Variants in ROBO1 observed in about 807,000 individuals in gnomAD.
The protein encoded by ROBO1 is roundabout guidance receptor 1.
ROBO1 carries 149 observed loss-of-function variants against 195.9 expected under a neutral mutation model. The ratio of observed to expected loss-of-function variants is 0.76; its 90% CI spans 0.67 to 0.87. The LOEUF (loss-of-function observed/expected upper bound fraction) is 0.87. ROBO1 is among the 40% of genes least tolerant of loss of function. The probability of loss-of-function intolerance (pLI) is 0.00; values close to 1 mark genes in which losing one functional copy is unlikely to be tolerated. For missense variants in ROBO1, 1,933 were observed against 2,068.3 expected, an observed-to-expected ratio of 0.93 and a Z score of 1.27; for synonymous variants, 816 against 733.2, an observed-to-expected ratio of 1.11 and a Z score of -1.82.
At chr3:79,068,758 A>G (rs1454389428) in intron 3 of ROBO1, among the ~76,000 whole-genome samples, 1 of 151,894 alleles carries the variant, frequency 6.6e-6, no homozygotes, top group African/African-American at 2.4e-5. Context: ...TCGCCTTATC[A>G]GCCCTTTAAA....
chr3:79,442,033 G>GAA (rs200347541), intron 2 of ROBO1, among the ~76,000 whole-genome samples: 1 of 149,740 alleles, frequency 6.7e-6, no homozygotes, highest in African/African-American at 2.4e-5. Flanking sequence ...TCCAAGAAAG[G>GAA]AAAAAAAAAG....
intron 8 of ROBO1, among the ~76,000 whole-genome samples, chr3:78,713,294 C>T (rs1003002815): frequency 6.6e-6 from 1 of 151,860 alleles, no homozygotes; most frequent in Non-Finnish European, 1.5e-5. Flanking sequence ...GTGTAAAAAG[C>T]CCACAAGGCT....
At chr3:79,235,636 A>G (rs1480032392) in intron 2 of ROBO1, among the ~76,000 whole-genome samples, 1 of 152,002 alleles carries the variant, frequency 6.6e-6, no homozygotes, top group African/African-American at 2.4e-5. Flanking sequence ...TGTGGCCTCT[A>G]TTTCCTATAT....
At chr3:79,304,765 G>A (rs1053479277) in intron 2 of ROBO1, among the ~76,000 whole-genome samples, 1 of 151,948 alleles carries the variant, frequency 6.6e-6, no homozygotes, top group East Asian at 1.9e-4. Context: ...TTTTAGATTT[G>A]CATTATTATA....
intron 2 of ROBO1, among the ~76,000 whole-genome samples, chr3:79,383,873 A>T (rs2036649815): frequency 6.6e-6 from 1 of 152,092 alleles, no homozygotes. Context: ...TGTGATTTAC[A>T]GTAAAAATGC....
chr3:79,550,598 T>G (rs942015884), intron 2 of ROBO1, among the ~76,000 whole-genome samples: 1 of 152,234 alleles, frequency 6.6e-6, no homozygotes, highest in Non-Finnish European at 1.5e-5. Flanking sequence ...TAAGATTGGC[T>G]TATGCTTCAA....
chr3:79,166,045 A>T (rs977281731), intron 2 of ROBO1, among the ~76,000 whole-genome samples: 6 of 152,196 alleles, frequency 3.9e-5, no homozygotes, highest in African/African-American at 1.4e-4. Flanking sequence ...CCTACAGATT[A>T]CAGACTTGCC....
At chr3:79,329,738 G>C (rs974562279) in intron 2 of ROBO1, among the ~76,000 whole-genome samples, 3 of 152,232 alleles carry the variant, frequency 2.0e-5, no homozygotes, top group Non-Finnish European at 4.4e-5. Context: ...CTATTGTTAA[G>C]TGAGATAGAA....
intron 4 of ROBO1, among the ~76,000 whole-genome samples, chr3:78,769,100 A>G (rs2083302995): frequency 6.6e-6 from 1 of 152,044 alleles, no homozygotes; most frequent in South Asian, 2.1e-4. Flanking sequence ...TATAGTTTAC[A>G]TCCATTGTTT....
chr3:79,474,477 G>A (rs1294369513), intron 2 of ROBO1, among the ~76,000 whole-genome samples: 1 of 152,040 alleles, frequency 6.6e-6, no homozygotes, highest in Non-Finnish European at 1.5e-5. Flanking sequence ...AATTGCAGAT[G>A]GTTAGGTGAG....
chr3:79,448,867 C>T (rs1361167004), intron 2 of ROBO1, among the ~76,000 whole-genome samples: 1 of 152,142 alleles, frequency 6.6e-6, no homozygotes, highest in Non-Finnish European at 1.5e-5. Context: ...TTCATTGATA[C>T]CTCCATTATT....
intron 8 of ROBO1, among the ~76,000 whole-genome samples, chr3:78,705,859 G>A (rs916110244): frequency 6.6e-6 from 1 of 152,068 alleles, no homozygotes; most frequent in African/African-American, 2.4e-5. Context: ...CACCTGTTTT[G>A]CTGGTTCTTC....
rs1050435725 is a variant in ROBO1 at position 79,362,067 on chromosome 3, T to C, written c.88+227757A>G. ...TACGGTAGATATGAATTTTAGGATG[T>C]ATGTTGACTTCGTATAATAATGAGG... On this transcript the variant is annotated intron_variant, in intron 2 of 30. Coordinates refer to ENST00000464233, the MANE Select transcript of ROBO1 (RefSeq NM_002941.4). 4.6e-5 allele frequency among the ~76,000 whole-genome samples: 7 copies of C among 152,050 alleles called. No individual in the cohort carries two copies. The East Asian group carries it at 9.6e-4, about 21-fold the overall frequency.
chr3:79,390,057 T>G (rs2036891147), intron 2 of ROBO1, among the ~76,000 whole-genome samples: 1 of 152,128 alleles, frequency 6.6e-6, no homozygotes, highest in Non-Finnish European at 1.5e-5. Context: ...TCAAATAATA[T>G]CTACTGATAG....
intron 3 of ROBO1, among the ~76,000 whole-genome samples, chr3:79,112,642 C>T (rs1038080336): frequency 5.3e-5 from 8 of 151,910 alleles, no homozygotes; most frequent in Admixed American, 2.0e-4. Flanking sequence ...TCATTCTCAG[C>T]AAACTATCAC....
intron 18 of ROBO1, among the ~76,000 whole-genome samples, chr3:78,654,062 A>G (rs1321891611): frequency 1.3e-5 from 2 of 152,222 alleles, no homozygotes; most frequent in African/African-American, 4.8e-5. Context: ...TTTTTTCCAT[A>G]AAGATAATTG....
chr3:79,297,342 C>CA (rs2032647385), intron 2 of ROBO1, among the ~76,000 whole-genome samples: 1 of 152,150 alleles, frequency 6.6e-6, no homozygotes, highest in African/African-American at 2.4e-5. Context: ...TAATTGATTA[C>CA]ATTTCTCTAC....
At chr3:79,381,355 C>CAAAAAA (rs61680946) in intron 2 of ROBO1, among the ~76,000 whole-genome samples, 12 of 60,702 alleles carry the variant, frequency 2.0e-4, no homozygotes, top group African/African-American at 5.4e-4. Flanking sequence ...AACTCCGTCT[C>CAAAAAA]AAAAAAAAAA....
chr3:78,993,000 A>T (rs1205543223), intron 3 of ROBO1, among the ~76,000 whole-genome samples: 1 of 152,176 alleles, frequency 6.6e-6, no homozygotes, highest in East Asian at 1.9e-4. Flanking sequence ...AGAAAAGCTG[A>T]ACAATATTTT....
Sources: gnomAD v4.1 joint callset for allele counts (sites outside exome capture counted in the v4.1 genomes callset) on GRCh38, gnomAD v4.1.1 for gene constraint, MANE v1.5 for transcripts, NCBI Gene and HGNC (gene_info 2026-07-23, HGNC 2026-07-21) for gene names.